The following LRRIQ1 variants were observed in gnomAD, a reference collection of about 807,000 sequenced individuals.
LRRIQ1 encodes the protein leucine rich repeats and IQ motif containing 1.
LRRIQ1 carries 210 observed loss-of-function variants against 211.9 expected under a neutral mutation model. That is an observed-to-expected ratio of 0.99 (90% CI 0.89 to 1.11). The LOEUF (loss-of-function observed/expected upper bound fraction) is 1.11, where lower values mean the gene tolerates loss of function less well. Among genes scored for constraint, LRRIQ1 ranks in the 50% most tolerant of loss-of-function variants. The probability of loss-of-function intolerance (pLI) is 0.00; values close to 1 mark genes in which losing one functional copy is unlikely to be tolerated. For synonymous variants in LRRIQ1, 699 were observed against 650.1 expected, an observed-to-expected ratio of 1.08 and a Z score of -1.14; for missense variants, 2,136 against 1,939.5, an observed-to-expected ratio of 1.10 and a Z score of -1.90.
intron 24 of LRRIQ1, among the ~76,000 whole-genome samples, chr12:85,186,831 C>T (rs1256350157): frequency 1.3e-5 from 2 of 151,580 alleles, no homozygotes; most frequent in Non-Finnish European, 2.9e-5. Flanking sequence ...ATCCCTCATC[C>T]CCTTAATCCT....
intron 1 of LRRIQ1, among the ~76,000 whole-genome samples, chr12:85,250,222 G>A (rs932180552): frequency 1.3e-5 from 2 of 151,762 alleles, no homozygotes; most frequent in East Asian, 1.9e-4. Context: ...AGGCTTTACC[G>A]ACAAAGAAGC....
At chr12:85,236,435 A>G (rs1029146297) in intron 26 of LRRIQ1, among the ~76,000 whole-genome samples, 3 of 152,140 alleles carry the variant, frequency 2.0e-5, no homozygotes, top group Admixed American at 1.3e-4. Context: ...TTGGTGGTTC[A>G]CAGAGATGAT....
rs1888009907 is a variant in LRRIQ1 at position 85,121,813 on chromosome 12, C to A, written c.3494C>A (p.Ala1165Glu). Reference sequence around the variant, plus strand: ...CAACTGGGATCAGCAGGTTTCCTGGCACTTTGTCAGTCTCAGATTCGAGAA... The same window carrying A: ...CAACTGGGATCAGCAGGTTTCCTGGAACTTTGTCAGTCTCAGATTCGAGAA... The part of the protein sequence containing the change: ...HNQLGSAGFL[A>E]LCQSQIREFN... The change falls in exon 16 of 27, where the codon GCA (alanine) becomes GAA (glutamate). Residue 1165 changes from alanine to glutamate, a missense_variant. By Grantham distance (107) the Ala-to-Glu change is moderately radical. Coordinates refer to ENST00000393217, the MANE Select transcript of LRRIQ1 (RefSeq NM_001079910.2). The A allele has an allele frequency of 1.9e-6, 3 of 1,607,392 alleles. No individual in the cohort carries two copies. The highest frequency in any genetic ancestry group is 2.5e-6 in the Non-Finnish European group (3 of 1,176,918).
At chr12:85,174,807 AT>A (rs1286379456) in intron 24 of LRRIQ1, among the ~76,000 whole-genome samples, 3 of 151,962 alleles carry the variant, frequency 2.0e-5, no homozygotes, top group Non-Finnish European at 4.4e-5. Context: ...TTCCAAAAAA[AT>A]GTTCCAAAAC....
At chr12:85,060,217 T>C (rs1028139897) in intron 8 of LRRIQ1, among the ~76,000 whole-genome samples, 1 of 151,796 alleles carries the variant, frequency 6.6e-6, no homozygotes, top group African/African-American at 2.4e-5. Flanking sequence ...AGAAGGCAAA[T>C]GGATTGTTTT....
intron 19 of LRRIQ1, 61 bp downstream of exon 19, chr12:85,138,030 A>T: frequency 3.0e-6 from 3 of 1,012,734 alleles, no homozygotes; most frequent in Non-Finnish European, 4.3e-6. Context: ...TACTATTTTG[A>T]AGATAAACCA....
At chr12:85,110,139 A>G (rs1887068967) in intron 15 of LRRIQ1, among the ~76,000 whole-genome samples, 1 of 152,128 alleles carries the variant, frequency 6.6e-6, no homozygotes. Flanking sequence ...CAGATTATAT[A>G]TGGGATCTTA....
At chr12:85,040,269 A>G (rs940842618) in intron 2 of LRRIQ1, among the ~76,000 whole-genome samples, 4 of 151,546 alleles carry the variant, frequency 2.6e-5, no homozygotes, top group African/African-American at 9.7e-5. Context: ...AACTCTTTTC[A>G]TTTGTTTTCT....
intron 11 of LRRIQ1, among the ~76,000 whole-genome samples, chr12:85,091,978 T>C (rs1221434247): frequency 6.6e-6 from 1 of 152,156 alleles, no homozygotes; most frequent in Admixed American, 6.6e-5. Flanking sequence ...GCTGTTTGCA[T>C]TACTGCCTGA....
intron 24 of LRRIQ1, among the ~76,000 whole-genome samples, chr12:85,201,423 G>A: frequency 6.6e-6 from 1 of 151,530 alleles, no homozygotes; most frequent in Non-Finnish European, 1.5e-5. Context: ...CTCATCCTGG[G>A]CTTTGTTTGA....
intron 24 of LRRIQ1, among the ~76,000 whole-genome samples, chr12:85,183,333 G>A (rs1892077035): frequency 6.6e-6 from 1 of 151,774 alleles, no homozygotes; most frequent in Non-Finnish European, 1.5e-5. Flanking sequence ...GTTTTTTCCA[G>A]CGACAAGTTT....
intron 24 of LRRIQ1, among the ~76,000 whole-genome samples, chr12:85,192,223 G>A (rs988769371): frequency 5.3e-5 from 8 of 150,604 alleles, no homozygotes; most frequent in African/African-American, 2.0e-4. Flanking sequence ...TGTACTCGAT[G>A]TATAGCTGCC....
chr12:85,148,544 C>T (rs1025244461), intron 19 of LRRIQ1, among the ~76,000 whole-genome samples: 2 of 151,926 alleles, frequency 1.3e-5, no homozygotes, highest in Non-Finnish European at 2.9e-5. Context: ...TTTATCTAGT[C>T]TATCATTAAT....
intron 24 of LRRIQ1, among the ~76,000 whole-genome samples, chr12:85,217,550 GTATA>G (rs200921929): frequency 1.0e-5 from 1 of 99,828 alleles, no homozygotes; most frequent in Non-Finnish European, 1.8e-5. Context: ...GTGTGTGTGT[GTATA>G]TAGGTATATA....
intron 19 of LRRIQ1, among the ~76,000 whole-genome samples, chr12:85,144,766 G>A (rs1197307393): frequency 6.6e-6 from 1 of 151,514 alleles, no homozygotes; most frequent in Admixed American, 6.6e-5. Flanking sequence ...GTTATTATTG[G>A]GTTTCAAGTA....
intron 24 of LRRIQ1, among the ~76,000 whole-genome samples, chr12:85,179,333 G>C (rs1891869673): frequency 6.6e-6 from 1 of 151,898 alleles, no homozygotes; most frequent in Non-Finnish European, 1.5e-5. Flanking sequence ...TAGTGTCCTT[G>C]TGCAGTGCTT....
chr12:85,134,744 T>G (rs992162400), intron 18 of LRRIQ1, among the ~76,000 whole-genome samples: 1 of 152,062 alleles, frequency 6.6e-6, no homozygotes, highest in Admixed American at 6.6e-5. Flanking sequence ...GTGCACTATC[T>G]GTGACTTTCT....
chr12:85,212,534 A>G (rs1893883316), intron 24 of LRRIQ1, among the ~76,000 whole-genome samples: 1 of 151,972 alleles, frequency 6.6e-6, no homozygotes, highest in Non-Finnish European at 1.5e-5. Context: ...TAAATTTAAA[A>G]TATTAATAAC....
chr12:85,141,908 T>C (rs1889573063), intron 19 of LRRIQ1, among the ~76,000 whole-genome samples: 1 of 136,636 alleles, frequency 7.3e-6, no homozygotes. Flanking sequence ...TAATTGAGTT[T>C]TATTTTTTCG....
Sources: allele counts gnomAD v4.1 joint callset (sites outside exome capture counted in the v4.1 genomes callset), GRCh38; gene constraint gnomAD v4.1.1; transcripts MANE v1.5; gene names NCBI Gene and HGNC (gene_info 2026-07-23, HGNC 2026-07-21).